CTNNA2: variants seen among roughly 807,000 people sequenced by gnomAD.
CTNNA2 encodes catenin alpha-2.
A neutral mutation model predicts 101.0 loss-of-function variants in CTNNA2; 42 were observed. The observed-to-expected ratio is 0.42, with a 90% CI of 0.32 to 0.54. The LOEUF (loss-of-function observed/expected upper bound fraction) is 0.54, where lower values mean the gene tolerates loss of function less well. CTNNA2 is among the 20% of genes least tolerant of loss of function. The pLI is 0.14. For synonymous variants in CTNNA2, 450 were observed against 456.4 expected (o/e 0.99, Z 0.18); for missense variants, 871 against 1,223.1 (o/e 0.71, Z 4.29).
chr2:80,301,624 G>T (rs909909008), intron 7 of CTNNA2, among the ~76,000 whole-genome samples: 19 of 152,162 alleles, frequency 1.2e-4, no homozygotes, highest in African/African-American at 4.6e-4. Flanking sequence ...CACTGTCCCT[G>T]CCCCAGTAAT....
chr2:79,832,285 T>A (rs1678988544), intron 3 of CTNNA2, among the ~76,000 whole-genome samples: 1 of 152,220 alleles, frequency 6.6e-6, no homozygotes, highest in Admixed American at 6.5e-5. Context: ...AATACGTGAT[T>A]AATTTCCTAT....
intron 4 of CTNNA2, among the ~76,000 whole-genome samples, chr2:79,402,472 C>G (rs904226278): frequency 6.6e-6 from 1 of 151,568 alleles, no homozygotes; most frequent in Non-Finnish European, 1.5e-5. Flanking sequence ...TATGTACATG[C>G]CTATGATGAA....
chr2:80,429,912 C>T (rs1681337186), intron 9 of CTNNA2, among the ~76,000 whole-genome samples: 1 of 152,190 alleles, frequency 6.6e-6, no homozygotes, highest in African/African-American at 2.4e-5. Flanking sequence ...TGTTGCAGTG[C>T]TTGAATTAAC....
chr2:79,672,444 A>G (rs1160506107), intron 2 of CTNNA2, among the ~76,000 whole-genome samples: 2 of 152,178 alleles, frequency 1.3e-5, no homozygotes, highest in African/African-American at 4.8e-5. Flanking sequence ...ATCGGTTCTA[A>G]GAAAATTGCC....
intron 1 of CTNNA2, chr2:79,575,618 G>A (rs1051554046): frequency 1.3e-5 from 2 of 152,254 alleles, no homozygotes; most frequent in African/African-American, 2.4e-5. Flanking sequence ...CAGGCTGCTT[G>A]ATGTAGGCCT....
intron 7 of CTNNA2, among the ~76,000 whole-genome samples, chr2:80,052,987 T>C (rs1696977883): frequency 6.6e-6 from 1 of 152,234 alleles, no homozygotes; most frequent in Non-Finnish European, 1.5e-5. Context: ...ATTTCCATTT[T>C]TTCCTGCTTC....
At chr2:80,324,785 T>C (rs1321153716) in intron 7 of CTNNA2, among the ~76,000 whole-genome samples, 1 of 152,130 alleles carries the variant, frequency 6.6e-6, no homozygotes, top group East Asian at 1.9e-4. Flanking sequence ...AGACACACTC[T>C]TTCCTTTGAT....
chr2:80,106,297 C>T (rs1024246356), intron 7 of CTNNA2, among the ~76,000 whole-genome samples: 4 of 152,140 alleles, frequency 2.6e-5, no homozygotes, highest in Admixed American at 2.6e-4. Context: ...ATCTCTGGAT[C>T]CCATCAGTTT....
At chr2:80,452,987 G>A (rs996903441) in intron 9 of CTNNA2, among the ~76,000 whole-genome samples, 21 of 152,056 alleles carry the variant, frequency 1.4e-4, no homozygotes, top group African/African-American at 5.1e-4. Flanking sequence ...TGCCTTCTAG[G>A]CCAGGTATAG....
intron 2 of CTNNA2, among the ~76,000 whole-genome samples, chr2:79,731,935 C>T (rs1687224643): frequency 6.6e-6 from 1 of 151,246 alleles, no homozygotes; most frequent in Admixed American, 6.6e-5. Context: ...CTCATTTTCT[C>T]CTAAAATGAC....
At chr2:79,876,275 G>A (rs1683016878) in intron 6 of CTNNA2, among the ~76,000 whole-genome samples, 1 of 152,014 alleles carries the variant, frequency 6.6e-6, no homozygotes, top group African/African-American at 2.4e-5. Flanking sequence ...ATATTTCAGG[G>A]AAAAGTAAAT....
At position 79,262,341 on chromosome 2, in the gene CTNNA2, A is replaced by C. The variant is rs548411979; in HGVS notation, c.-405-50368A>C. On this transcript the variant is annotated intron_variant, in intron 2 of 21. Coordinates refer to the CTNNA2 transcript ENST00000466387. ...ATTCTAGACAGCACTGACTCAAGAA[A>C]AACAAGATCAATAAATAAGTTAAAA... 4.7e-4 allele frequency among the ~76,000 whole-genome samples: 71 copies of C among 152,194 alleles called. 2 individuals are homozygous for C. Among genetic ancestry groups the C allele is most frequent in the Non-Finnish European group, 6.2e-4 (42 of 68,028 alleles).
intron 18 of CTNNA2, among the ~76,000 whole-genome samples, chr2:80,644,377 CCAT>C (rs1270573364): frequency 1.3e-5 from 2 of 152,108 alleles, no homozygotes; most frequent in African/African-American, 4.8e-5. Flanking sequence ...GTTGAAAACG[CCAT>C]CATTACAATA....
chr2:80,507,060 G>A (rs1688331787), intron 9 of CTNNA2, among the ~76,000 whole-genome samples: 1 of 152,114 alleles, frequency 6.6e-6, no homozygotes, highest in African/African-American at 2.4e-5. Flanking sequence ...CCTGAAACTT[G>A]CATTTCTCAG....
intron 7 of CTNNA2, among the ~76,000 whole-genome samples, chr2:80,075,763 T>A (rs75851659): frequency 7.2e-6 from 1 of 137,972 alleles, no homozygotes; most frequent in African/African-American, 2.7e-5. Flanking sequence ...TATTTATACT[T>A]GTATAAATAT....
intron 7 of CTNNA2, among the ~76,000 whole-genome samples, chr2:80,051,294 A>C (rs1696863370): frequency 6.6e-6 from 1 of 152,162 alleles, no homozygotes; most frequent in South Asian, 2.1e-4. Context: ...CATTCACATA[A>C]TGGTGCATCC....
At chr2:80,604,873 CAAAGGG>C (rs1697868264) in intron 16 of CTNNA2, among the ~76,000 whole-genome samples, 1 of 151,892 alleles carries the variant, frequency 6.6e-6, no homozygotes, top group South Asian at 2.1e-4. Flanking sequence ...ATTTGGAGAT[CAAAGGG>C]CAGAAACAGG....
rs78884860 is a variant in CTNNA2, at chr2:79,248,810, A to G, written c.-406+50734A>G. Among the ~76,000 whole-genome samples the G allele has an allele frequency of 2.3e-3, 345 of 152,346 alleles. 2 individuals are homozygous for G. The highest frequency in any genetic ancestry group is 0.016 in the Admixed American group (247 of 15,308). ...GAAAGCTTCTTTCTGCTTTGCAGGA[A>G]TACAGCAAGGCTGTATGTGTATGAA... is the stretch of plus-strand genomic sequence containing the variant. On this transcript the variant is annotated intron_variant, in intron 2 of 21. Coordinates refer to the CTNNA2 transcript ENST00000466387.
At chr2:79,756,918 A>G (rs1430171192) in intron 3 of CTNNA2, among the ~76,000 whole-genome samples, 2 of 152,212 alleles carry the variant, frequency 1.3e-5, no homozygotes, top group Non-Finnish European at 2.9e-5. Context: ...CTGACAATAC[A>G]AACTGTTGGT....
Sources: allele counts gnomAD v4.1 joint callset (sites outside exome capture counted in the v4.1 genomes callset), GRCh38; gene constraint gnomAD v4.1.1; transcripts MANE v1.5; gene names NCBI Gene and HGNC (gene_info 2026-07-23, HGNC 2026-07-21).